Variants in CHSY1 observed in about 807,000 individuals in gnomAD.
CHSY1 encodes chondroitin sulfate synthase 1, also known as N-acetylgalactosaminyl-proteoglycan 3-beta-glucuronosyltransferase 1.
In CHSY1, 13 loss-of-function variants were observed where a neutral mutation model predicts 59.8. The ratio of observed to expected loss-of-function variants is 0.22; its 90% confidence interval spans 0.14 to 0.35. The LOEUF is 0.35. Ranked by LOEUF, CHSY1 falls within the 10% of genes least tolerant of loss-of-function variation. CHSY1 has a pLI of 1.00. For synonymous variants in CHSY1, 459 were observed against 401.2 expected, an observed-to-expected ratio of 1.14 and a Z score of -1.72; for missense variants, 947 against 1,030.6, an observed-to-expected ratio of 0.92 and a Z score of 1.11.
rs561126802 is a variant in CHSY1 at position 101,233,754 on chromosome 15, T to C, written c.816+1328A>G. On this transcript the variant is annotated intron_variant, in intron 2 of 2. Transcript: ENST00000254190. ...TTAAAAATTACATGGCCACTCCCTG[T>C]ATGCTTGAAAATGTCCACTTCCCTA... is the stretch of plus-strand genomic sequence containing the variant. Among the ~76,000 whole-genome samples, 4 of 152,320 alleles carry C rather than the reference T, an allele frequency of 2.6e-5. No homozygotes were observed. In the East Asian group the frequency reaches 7.7e-4, roughly 29 times the overall value.
In CHSY1 at chr15:101,251,187, T is replaced by C; in HGVS notation, c.270A>G (p.Gly90=). The change falls in exon 1 of 3, where the codon GGA becomes GGG. Residue 90 remains glycine, a synonymous_variant. Coordinates refer to ENST00000254190, the MANE Select transcript of CHSY1 (RefSeq NM_014918.5). The part of the protein sequence containing the change: ...GPRDRNFLFV[G]VMTAQKYLQT... ...GCAGGTATTTCTGGGCGGTCATGAC[T>C]CCCACGAAGAGAAAGTTCCTGTCGC... The C allele has an allele frequency of 1.2e-6, 2 of 1,600,546 alleles. No homozygotes were observed. Among genetic ancestry groups the C allele is most frequent in the Non-Finnish European group, 1.7e-6 (2 of 1,176,668 alleles).
chr15:101,248,885 T>C (rs543245259), intron 1 of CHSY1, among the ~76,000 whole-genome samples: 13 of 151,828 alleles, frequency 8.6e-5, no homozygotes, highest in East Asian at 5.8e-4. Context: ...CTCCTGGGTT[T>C]ACGCCATTCT....
intron 2 of CHSY1, among the ~76,000 whole-genome samples, chr15:101,197,174 C>A (rs2038517419): frequency 6.6e-6 from 1 of 152,132 alleles, no homozygotes; most frequent in African/African-American, 2.4e-5. Flanking sequence ...ATCACTTGAG[C>A]CCAGGAGTTC....
chr15:101,224,064 T>G (rs2038815448), intron 2 of CHSY1, among the ~76,000 whole-genome samples: 1 of 152,266 alleles, frequency 6.6e-6, no homozygotes, highest in African/African-American at 2.4e-5. Flanking sequence ...CACAGTAACA[T>G]GCTGTACAGG....
rs762150136 is a variant in CHSY1, at chr15:101,235,368, T to G, written c.530A>C (p.Lys177Thr). Residue 177 changes from lysine (K) to threonine (T), a missense_variant, in exon 2 of 3, where the codon AAA becomes ACA. Coordinates refer to ENST00000254190, the MANE Select transcript of CHSY1 (RefSeq NM_014918.5). Reference protein sequence around the residue: ...FMRADDDVYIKGDRLENFLRS... With the variant: ...FMRADDDVYITGDRLENFLRS... ...CAGGAAGTTCTCCAGACGGTCTCCT[T>G]TGATGTACACGTCATCATCTGCTCT... The G allele has an allele frequency of 9.9e-6, 16 of 1,614,056 alleles. No individual in the cohort carries two copies. The highest frequency in any genetic ancestry group is 2.2e-5 in the South Asian group (2 of 91,090).
intron 2 of CHSY1, among the ~76,000 whole-genome samples, chr15:101,180,224 T>A (rs868511302): frequency 1.3e-5 from 2 of 152,244 alleles, no homozygotes; most frequent in Non-Finnish European, 2.9e-5. Context: ...GGAGCTGGCA[T>A]GCCTGCCAGG....
At chr15:101,205,747 C>T (rs543540162) in intron 2 of CHSY1, among the ~76,000 whole-genome samples, 16 of 152,150 alleles carry the variant, frequency 1.1e-4, no homozygotes, top group South Asian at 4.2e-4. Flanking sequence ...ATCAGGAGAT[C>T]GAGACCATCC....
chr15:101,177,065 T>C lies in CHSY1; in HGVS notation c.*323A>G. On this transcript the variant is annotated 3_prime_UTR_variant, in exon 3 of 3. Coordinates refer to ENST00000254190, the MANE Select transcript of CHSY1 (RefSeq NM_014918.5). ...TACAGTGTTTTGTTACAATAATACT[T>C]TGCAGGAATGTTCACGTTTTCTGCC... is the stretch of plus-strand genomic sequence containing the variant. 8.7e-6 allele frequency: 2 copies of C among 228,970 alleles called. No homozygotes were observed. Among genetic ancestry groups the C allele is most frequent in the East Asian group, 1.0e-4 (1 of 9,768 alleles). The allele number at this position is 228,970 out of a possible 1,614,324, so 14.2% of individuals were successfully genotyped here. A position where few individuals can be genotyped will look rare whatever the true frequency, so the allele number is the denominator to read the frequency against.
At chr15:101,248,296 A>G (rs1469018671) in intron 1 of CHSY1, among the ~76,000 whole-genome samples, 1 of 152,168 alleles carries the variant, frequency 6.6e-6, no homozygotes, top group Non-Finnish European at 1.5e-5. Flanking sequence ...CTCCATCCCA[A>G]TTGAGGCCCT....
At position 101,178,388 on chromosome 15, in the gene CHSY1, T is replaced by C. The variant is rs761022004; in HGVS notation, c.1409A>G (p.His470Arg). The change falls in exon 3 of 3, where the codon CAC becomes CGC. Residue 470 changes from histidine (H) to arginine (R), a missense_variant. This residue lies in a region of CHSY1 where 602 missense variants were observed against 676.9 expected (regional missense o/e 0.89). Transcript: ENST00000254190. Reference protein sequence around the residue: ...GKKMTVPVRRHAYLQQTFSKI... With the variant: ...GKKMTVPVRRRAYLQQTFSKI... ...GCTGAAAGTCTGCTGTAAATACGCG[T>C]GCCTCCTCACAGGGACCGTCATTTT... The C allele has an allele frequency of 6.2e-7, 1 of 1,611,484 alleles. No homozygotes were observed. The highest frequency in any genetic ancestry group is 1.1e-5 in the South Asian group (1 of 91,056).
At chr15:101,202,801 T>C (rs946482624) in intron 2 of CHSY1, among the ~76,000 whole-genome samples, 7 of 152,150 alleles carry the variant, frequency 4.6e-5, no homozygotes, top group Non-Finnish European at 8.8e-5. Context: ...TAAAAGATTA[T>C]AAAATGAGGA....
chr15:101,212,731 T>C (rs1005151098), intron 2 of CHSY1, among the ~76,000 whole-genome samples: 2 of 152,304 alleles, frequency 1.3e-5, no homozygotes, highest in South Asian at 2.1e-4. Flanking sequence ...AGCTTAAGAT[T>C]TGTGCATTTT....
chr15:101,194,165 C>T (rs966265435), intron 2 of CHSY1, among the ~76,000 whole-genome samples: 2 of 152,252 alleles, frequency 1.3e-5, no homozygotes, highest in Non-Finnish European at 2.9e-5. Flanking sequence ...AAAGCCATCA[C>T]TAGTGACAGT....
At chr15:101,245,669 T>G (rs1040438094) in intron 1 of CHSY1, among the ~76,000 whole-genome samples, 1 of 152,166 alleles carries the variant, frequency 6.6e-6, no homozygotes, top group Non-Finnish European at 1.5e-5. Context: ...CTGGAATCAA[T>G]CCGCTATTGA....
At chr15:101,215,726 C>T (rs2038726018) in intron 2 of CHSY1, among the ~76,000 whole-genome samples, 1 of 152,220 alleles carries the variant, frequency 6.6e-6, no homozygotes, top group South Asian at 2.1e-4. Flanking sequence ...CAAATCGAGA[C>T]TCTGTCTCAA....
rs1206685190 is a variant in CHSY1, at chr15:101,251,613, G to A, written c.-157C>T. 6.9e-6 allele frequency: 1 copy of A among 145,690 alleles called. No individual in the cohort carries two copies. The highest frequency in any genetic ancestry group is 1.5e-5 in the Non-Finnish European group (1 of 65,952). The allele number at this position is 145,690 out of a possible 1,614,324, so 9.0% of individuals were successfully genotyped here. A position where few individuals can be genotyped will look rare whatever the true frequency, so the allele number is the denominator to read the frequency against. On this transcript the variant is annotated 5_prime_UTR_variant, in exon 1 of 3. Transcript: ENST00000254190. Reference sequence around the variant, plus strand: ...GCCCGCCGCGCCCATCGCGGCCCCCGAGCCGCCCGCAGGCCCCGCGCCGGC... The same window carrying A: ...GCCCGCCGCGCCCATCGCGGCCCCCAAGCCGCCCGCAGGCCCCGCGCCGGC...
intron 2 of CHSY1, among the ~76,000 whole-genome samples, chr15:101,231,848 CAAT>C (rs1046980163): frequency 5.3e-5 from 8 of 152,196 alleles, no homozygotes; most frequent in Admixed American, 6.5e-5. Context: ...TCAAAATTTT[CAAT>C]AATAATTCTC....
intron 2 of CHSY1, among the ~76,000 whole-genome samples, chr15:101,213,622 T>C (rs1320026790): frequency 1.3e-5 from 2 of 152,166 alleles, no homozygotes; most frequent in South Asian, 2.1e-4. Flanking sequence ...TTCCACACAA[T>C]AGCTGACATA....
rs1251820459 is a variant in CHSY1 at position 101,208,644 on chromosome 15, C to T, written c.816+26438G>A. Among the ~76,000 whole-genome samples, 6 of 145,980 alleles carry T rather than the reference C, an allele frequency of 4.1e-5. No individual in the cohort carries two copies. In the South Asian group the frequency reaches 1.3e-3, roughly 31 times the overall value. The stretch of plus-strand genomic sequence containing the variant: ...ATGAGAATTGCTTGAACCCAGGAGG[C>T]GGAGGTTGCAGTGAACCGAGATCGT... On this transcript the variant is annotated intron_variant, in intron 2 of 2. Coordinates refer to ENST00000254190, the MANE Select transcript of CHSY1 (RefSeq NM_014918.5).
Sources: allele counts gnomAD v4.1 joint callset (sites outside exome capture counted in the v4.1 genomes callset), GRCh38; gene constraint gnomAD v4.1.1; regional missense constraint gnomAD v4.1.1; transcripts MANE v1.5; gene names NCBI Gene and HGNC (gene_info 2026-07-23, HGNC 2026-07-21).